The following TMEM132B variants were observed in gnomAD, a reference collection of about 807,000 sequenced individuals.
TMEM132B encodes the protein transmembrane protein 132B.
In TMEM132B, 18 loss-of-function variants were observed where a neutral mutation model predicts 90.8. The ratio of observed to expected loss-of-function variants is 0.20; its 90% confidence interval spans 0.14 to 0.29. TMEM132B has a LOEUF of 0.29. Ranked by LOEUF, TMEM132B falls within the 10% of genes least tolerant of loss-of-function variation. TMEM132B has a pLI of 1.00. For missense variants in TMEM132B, 1,096 were observed against 1,326.8 expected, an observed-to-expected ratio of 0.83 and a Z score of 2.70; for synonymous variants, 504 against 523.3, an observed-to-expected ratio of 0.96 and a Z score of 0.50.
intron 4 of TMEM132B, among the ~76,000 whole-genome samples, chr12:125,534,103 T>A (rs1249514973): frequency 6.6e-6 from 1 of 152,214 alleles, no homozygotes; most frequent in Non-Finnish European, 1.5e-5. Context: ...CTGGGTTTTT[T>A]CTTTATTAAG....
At chr12:125,192,170 A>G (rs1242861898) in intron 1 of TMEM132B, among the ~76,000 whole-genome samples, 2 of 152,134 alleles carry the variant, frequency 1.3e-5, no homozygotes, top group Non-Finnish European at 2.9e-5. Context: ...TTCTTCAACA[A>G]CCCTAATGGG....
chr12:125,321,251 G>C (rs149965891), intron 1 of TMEM132B, among the ~76,000 whole-genome samples: 1 of 152,270 alleles, frequency 6.6e-6, no homozygotes, highest in East Asian at 1.9e-4. Context: ...TGTTTACTGA[G>C]TCAAACTTTT....
At chr12:125,625,944 A>T (rs1037274030) in intron 5 of TMEM132B, among the ~76,000 whole-genome samples, 1 of 152,142 alleles carries the variant, frequency 6.6e-6, no homozygotes, top group Non-Finnish European at 1.5e-5. Context: ...GCTATCTGTA[A>T]ATCCTCTTCC....
chr12:125,525,130 C>T (rs1448363749), intron 4 of TMEM132B, among the ~76,000 whole-genome samples: 2 of 152,030 alleles, frequency 1.3e-5, no homozygotes, highest in Non-Finnish European at 2.9e-5. Flanking sequence ...GAGAAGGGGG[C>T]AGCAGAACAC....
intron 3 of TMEM132B, among the ~76,000 whole-genome samples, chr12:125,469,043 T>C (rs1881644360): frequency 6.6e-6 from 1 of 152,230 alleles, no homozygotes; most frequent in Non-Finnish European, 1.5e-5. Context: ...TTTTATTTTT[T>C]CCTTTCCAAT....
chr12:125,596,130 A>G (rs1212460767), intron 5 of TMEM132B, among the ~76,000 whole-genome samples: 2 of 152,184 alleles, frequency 1.3e-5, no homozygotes, highest in African/African-American at 2.4e-5. Context: ...AGAGTCTCCC[A>G]TGTTCTCCCC....
chr12:125,247,246 C>G (rs148107112), intron 1 of TMEM132B, among the ~76,000 whole-genome samples: 196 of 152,292 alleles, frequency 1.3e-3, no homozygotes, highest in Admixed American at 2.8e-3. Context: ...GTATGAGACA[C>G]AAATATCACA....
chr12:125,443,787 TG>T (rs752720080), intron 3 of TMEM132B, among the ~76,000 whole-genome samples: 1 of 152,082 alleles, frequency 6.6e-6, no homozygotes, highest in African/African-American at 2.4e-5. Flanking sequence ...GCAAGAAAAA[TG>T]TTTTTTTTAA....
chr12:125,653,856 GAGCACCA>G lies in TMEM132B; in HGVS notation c.2401_2407del (p.His801GlufsTer9). 1 of 1,614,166 alleles carries G rather than the reference GAGCACCA, an allele frequency of 6.2e-7. No individual in the cohort carries two copies. The highest frequency in any genetic ancestry group is 8.5e-7 in the Non-Finnish European group (1 of 1,180,038). On this transcript the variant is annotated frameshift_variant, in exon 9 of 9. Transcript: ENST00000682704. LOFTEE classifies it high-confidence loss of function. ...GGTCAAATTCGAACCAAGTAGTGAT[GAGCACCA>G]AGGAGGCAGCAATGATATTGAGGGC...
intron 2 of TMEM132B, among the ~76,000 whole-genome samples, chr12:125,368,214 G>T (rs1878188937): frequency 1.3e-5 from 2 of 152,060 alleles, no homozygotes. Context: ...TTTGTAGATG[G>T]TCTCTTAATT....
chr12:125,438,526 A>T (rs1880766306), intron 3 of TMEM132B, among the ~76,000 whole-genome samples: 1 of 152,256 alleles, frequency 6.6e-6, no homozygotes, highest in Non-Finnish European at 1.5e-5. Flanking sequence ...TTTCAAGCAT[A>T]CTTAAAACTG....
At chr12:125,298,993 A>G (rs991479827) in intron 1 of TMEM132B, among the ~76,000 whole-genome samples, 1 of 151,880 alleles carries the variant, frequency 6.6e-6, no homozygotes, top group Non-Finnish European at 1.5e-5. Flanking sequence ...TCGGCCTCCC[A>G]AAGTGCTGGG....
intron 1 of TMEM132B, among the ~76,000 whole-genome samples, chr12:125,204,857 A>C (rs1377632446): frequency 3.7e-5 from 5 of 136,630 alleles, no homozygotes. Context: ...CACTGTGCTT[A>C]GCTCTTTATG....
At position 125,492,143 on chromosome 12, in the gene TMEM132B, T is replaced by C. The variant is rs1190955051; in HGVS notation, c.1107-27296T>C. 2.6e-5 allele frequency among the ~76,000 whole-genome samples: 4 copies of C among 151,884 alleles called. No individual in the cohort carries two copies. Among genetic ancestry groups the C allele is most frequent in the African/African-American group, 9.7e-5 (4 of 41,346 alleles). ...CTGGGTTTCTGGGGAAGGGTGAGAG[T>C]GCCCTGCTGCCCGCCCCCACCGCTC... is the stretch of plus-strand genomic sequence containing the variant. On this transcript the variant is annotated intron_variant, in intron 3 of 8. Transcript: ENST00000682704. The surrounding 1 kb of genome is among the most constrained non-coding windows in gnomAD (Gnocchi z 5.8).
At chr12:125,195,572 T>C (rs1441228056) in intron 1 of TMEM132B, among the ~76,000 whole-genome samples, 1 of 151,948 alleles carries the variant, frequency 6.6e-6, no homozygotes, top group Non-Finnish European at 1.5e-5. Context: ...CTAATTTTTG[T>C]ATTTTTAGTA....
At chr12:125,300,147 A>T (rs980682107) in intron 1 of TMEM132B, among the ~76,000 whole-genome samples, 3 of 148,988 alleles carry the variant, frequency 2.0e-5, no homozygotes, top group African/African-American at 7.4e-5. Flanking sequence ...ACCTAAAGGA[A>T]CCCCTCTCCC....
chr12:125,291,759 T>A (rs991594714), intron 1 of TMEM132B, among the ~76,000 whole-genome samples: 5 of 152,014 alleles, frequency 3.3e-5, no homozygotes, highest in African/African-American at 1.2e-4. Context: ...ACATATTTGC[T>A]TTTTTTAAAA....
chr12:125,481,882 A>G (rs1331863979), intron 3 of TMEM132B, among the ~76,000 whole-genome samples: 4 of 152,230 alleles, frequency 2.6e-5, no homozygotes, highest in Non-Finnish European at 5.9e-5. Flanking sequence ...CCAAAACAGC[A>G]TGATACTAGT....
chr12:125,340,370 C>G (rs1877140605), intron 1 of TMEM132B, among the ~76,000 whole-genome samples: 2 of 152,098 alleles, frequency 1.3e-5, no homozygotes, highest in African/African-American at 2.4e-5. Flanking sequence ...TCTCACTTCA[C>G]ATTATACACC....
Sources: allele counts gnomAD v4.1 joint callset (sites outside exome capture counted in the v4.1 genomes callset), GRCh38; gene constraint gnomAD v4.1.1; non-coding constraint Gnocchi (gnomAD v3.1); transcripts MANE v1.5; gene names NCBI Gene and HGNC (gene_info 2026-07-23, HGNC 2026-07-21).